DNAH8: variants seen among roughly 807,000 people sequenced by gnomAD.
The protein encoded by DNAH8 is axonemal beta dynein heavy chain 8.
Under a neutral mutation model 562.1 loss-of-function variants are expected in DNAH8, and 382 were observed. The observed-to-expected ratio is 0.68, with a 90% CI of 0.63 to 0.74. The LOEUF (loss-of-function observed/expected upper bound fraction) is 0.74. DNAH8 is among the 30% of genes least tolerant of loss of function. DNAH8 has a pLI of 0.00. For synonymous variants in DNAH8, 1,881 were observed against 1,919.4 expected, an observed-to-expected ratio of 0.98 and a Z score of 0.52; for missense variants, 5,203 against 5,620.4, an observed-to-expected ratio of 0.93 and a Z score of 2.37.
chr6:38,769,810 T>G (rs6928323), intron 11 of DNAH8, among the ~76,000 whole-genome samples: 32,966 of 152,164 alleles, frequency 0.22, 3,919 homozygotes, highest in Middle Eastern at 0.26. Flanking sequence ...AAGATTTGAC[T>G]GGGTATTGAT....
chr6:38,718,670 T>C (rs1260530593), intron 1 of DNAH8, among the ~76,000 whole-genome samples: 1 of 152,220 alleles, frequency 6.6e-6, no homozygotes, highest in East Asian at 1.9e-4. Context: ...GATTAATCCC[T>C]GATTATCAAT....
At chr6:38,772,990 T>TTTTTTTTTTTTTTTTTTG (rs1767721653) in intron 12 of DNAH8, among the ~76,000 whole-genome samples, 1 of 118,578 alleles carries the variant, frequency 8.4e-6, no homozygotes, top group African/African-American at 3.2e-5. Context: ...TTTTTTTTTT[T>TTTTTTTTTTTTTTTTTTG]TTTTTTTTGT....
rs998771624 is a variant in DNAH8 at position 38,728,445 on chromosome 6, T to A, written c.526-1457T>A. Among the ~76,000 whole-genome samples, 3 of 152,362 alleles carry A rather than the reference T, an allele frequency of 2.0e-5. No homozygotes were observed. In the South Asian group the frequency reaches 6.2e-4, roughly 32 times the overall value. On this transcript the variant is annotated intron_variant, in intron 3 of 92. Transcript: ENST00000327475. ...ACATTTACTTTGCTAGTCTCATGAG[T>A]ACAATGTATCTAAAATGCAAGGATT...
At chr6:38,878,199 G>T (rs1190027491) in intron 53 of DNAH8, among the ~76,000 whole-genome samples, 1 of 152,152 alleles carries the variant, frequency 6.6e-6, no homozygotes, top group Non-Finnish European at 1.5e-5. Context: ...ATATATGGAA[G>T]ACTTTAACAA....
chr6:38,810,806 T>C (rs893245932), intron 24 of DNAH8, among the ~76,000 whole-genome samples: 1 of 152,172 alleles, frequency 6.6e-6, no homozygotes, highest in Non-Finnish European at 1.5e-5. Flanking sequence ...CAGGTTCTCA[T>C]GTAGTTTTTT....
chr6:38,923,897 A>T, intron 72 of DNAH8, 94 bp from the exon 73 acceptor site: 1 of 1,357,510 alleles, frequency 7.4e-7, no homozygotes, highest in South Asian at 1.2e-5. Flanking sequence ...GCAAAGAAGG[A>T]TTTCACCCAG....
chr6:38,824,220 T>C (rs1258758072), intron 28 of DNAH8, among the ~76,000 whole-genome samples: 1 of 152,172 alleles, frequency 6.6e-6, no homozygotes, highest in Non-Finnish European at 1.5e-5. Context: ...TCAGGCACAG[T>C]GTACCTGGCA....
chr6:38,949,797 G>T (rs1425739773), intron 81 of DNAH8, among the ~76,000 whole-genome samples: 1 of 152,160 alleles, frequency 6.6e-6, no homozygotes, highest in African/African-American at 2.4e-5. Flanking sequence ...AATGGTGATG[G>T]TGACAGGGAA....
chr6:38,951,502 G>A lies in DNAH8; in HGVS notation c.12433G>A (p.Ala4145Thr), dbSNP rs1201447234. 1.2e-6 allele frequency: 2 copies of A among 1,613,734 alleles called. No individual in the cohort carries two copies. The highest frequency in any genetic ancestry group is 1.7e-6 in the Non-Finnish European group (2 of 1,179,844). ...SDPTNQIDAL[A>T]KKLKLECRTI... Reference sequence around the variant, plus strand: ...CCCCACCAATCAAATTGATGCATTGGCCAAGAAACTGAAACTGGGTAAGAC... The same window carrying A: ...CCCCACCAATCAAATTGATGCATTGACCAAGAAACTGAAACTGGGTAAGAC... The change falls in exon 82 of 93, where the codon GCC (alanine) becomes ACC (threonine). Residue 4145 changes from alanine (A) to threonine (T), a missense_variant. Physicochemically the swap from Ala to Thr is moderately conservative, Grantham distance 58. Coordinates refer to ENST00000327475, the MANE Select transcript of DNAH8 (RefSeq NM_001206927.2).
chr6:38,819,637 A>G (rs1160135095), intron 26 of DNAH8, among the ~76,000 whole-genome samples: 19 of 152,164 alleles, frequency 1.2e-4, no homozygotes, highest in African/African-American at 7.2e-5. Flanking sequence ...ATAGTTTACT[A>G]GAGATCTTCA....
chr6:38,766,521 C>T (rs536543711), intron 11 of DNAH8, among the ~76,000 whole-genome samples: 126 of 152,268 alleles, frequency 8.3e-4, no homozygotes, highest in Non-Finnish European at 1.6e-3. Flanking sequence ...AGGTCTGGCT[C>T]TGTTGCTCAG....
At chr6:39,011,658 A>C (rs865990457) in intron 89 of DNAH8, among the ~76,000 whole-genome samples, 1 of 152,368 alleles carries the variant, frequency 6.6e-6, no homozygotes, top group Middle Eastern at 3.4e-3. Context: ...CAGATATTTA[A>C]CTGGCTGTCC....
At chr6:39,011,211 C>T (rs149408827) in intron 89 of DNAH8, among the ~76,000 whole-genome samples, 1 of 152,260 alleles carries the variant, frequency 6.6e-6, no homozygotes, top group African/African-American at 2.4e-5. Context: ...GAAACTTCTG[C>T]ACCATACTAG....
intron 24 of DNAH8, among the ~76,000 whole-genome samples, chr6:38,808,108 G>C (rs1406243337): frequency 6.6e-6 from 1 of 152,140 alleles, no homozygotes; most frequent in African/African-American, 2.4e-5. Context: ...TTCATCCATG[G>C]GGTATAGTTT....
chr6:38,855,347 G>T (rs1776113364), intron 41 of DNAH8, among the ~76,000 whole-genome samples: 4 of 152,050 alleles, frequency 2.6e-5, no homozygotes, highest in Admixed American at 2.0e-4. Context: ...TGCACGTTCT[G>T]CACGTGTATT....
At chr6:38,813,793 G>A (rs368072463) in intron 24 of DNAH8, among the ~76,000 whole-genome samples, 1 of 152,248 alleles carries the variant, frequency 6.6e-6, no homozygotes. Flanking sequence ...AGTAAACATT[G>A]TTAAAGGTTA....
In DNAH8 at chr6:38,729,203, AAAACAAACAAAC is replaced by A. The variant is rs79234857; in HGVS notation, c.526-670_526-659del. Among the ~76,000 whole-genome samples the A allele has an allele frequency of 1.3e-3, 188 of 150,334 alleles. 1 individual carries two copies. The highest frequency in any genetic ancestry group is 8.3e-3 in the East Asian group (42 of 5,078). On this transcript the variant is annotated intron_variant, in intron 3 of 92. Transcript: ENST00000327475. ...GGGTGACAGAGCGAAACTCCGTCTC[AAAACAAACAAAC>A]AAACAAACAAACAAACAAACAAACA...
At chr6:38,881,351 T>C (rs1778462704) in intron 53 of DNAH8, among the ~76,000 whole-genome samples, 1 of 152,220 alleles carries the variant, frequency 6.6e-6, no homozygotes, top group South Asian at 2.1e-4. Context: ...CTTTTGGGTA[T>C]AATTCTGAAT....
At chr6:38,727,004 C>T (rs1179692180) in intron 3 of DNAH8, among the ~76,000 whole-genome samples, 1 of 151,640 alleles carries the variant, frequency 6.6e-6, no homozygotes, top group Non-Finnish European at 1.5e-5. Context: ...ACTACGGGTG[C>T]GTGCCACCAC....
Sources: allele counts gnomAD v4.1 joint callset (sites outside exome capture counted in the v4.1 genomes callset), GRCh38; gene constraint gnomAD v4.1.1; transcripts MANE v1.5; gene names NCBI Gene and HGNC (gene_info 2026-07-23, HGNC 2026-07-21).